The following QRICH1 variants were observed in gnomAD, a reference collection of about 807,000 sequenced individuals.
QRICH1 encodes the protein glutamine rich 1, also known as transcriptional regulator QRICH1.
QRICH1 carries 16 observed loss-of-function variants against 87.1 expected under a neutral mutation model. The ratio of observed to expected loss-of-function variants is 0.18; its 90% CI spans 0.12 to 0.28. The LOEUF is 0.28. Among genes scored for constraint, QRICH1 ranks in the 10% least tolerant of loss-of-function variants. The pLI is 1.00. For missense variants in QRICH1, 647 were observed against 951.7 expected, an observed-to-expected ratio of 0.68 and a Z score of 4.21; for synonymous variants, 367 against 368.4, an observed-to-expected ratio of 1.00 and a Z score of 0.05.
chr3:49,065,365 G>C (rs570756101), intron 2 of QRICH1, among the ~76,000 whole-genome samples: 1 of 152,126 alleles, frequency 6.6e-6, no homozygotes, highest in Non-Finnish European at 1.5e-5. Flanking sequence ...GGCTGTTCTC[G>C]AACGCCTGAC....
chr3:49,042,652 A>C (rs1347219359), intron 6 of QRICH1, among the ~76,000 whole-genome samples: 1 of 151,532 alleles, frequency 6.6e-6, no homozygotes, highest in Non-Finnish European at 1.5e-5. Context: ...GGCTCACCAC[A>C]ACCTCCGACT....
Position 49,076,695 on chromosome 3 carries a change from C to A in QRICH1, c.309+14G>T. ...GTACATTAAACAGGCTGCACCTCAG[C>A]ATTTCCCATATACCTGAACCTGCTG... On this transcript the variant is annotated intron_variant, in intron 2 of 9. Coordinates refer to ENST00000395443, the MANE Select transcript of QRICH1 (RefSeq NM_198880.3). The A allele has an allele frequency of 6.6e-7, 1 of 1,525,128 alleles. No individual in the cohort carries two copies. The highest frequency in any genetic ancestry group is 1.3e-5 in the South Asian group (1 of 76,538). 94.5% of individuals were successfully genotyped at this position (1,525,128 alleles called of 1,614,324 possible).
chr3:49,051,628 T>A (rs1340638614), intron 3 of QRICH1, among the ~76,000 whole-genome samples: 1 of 115,414 alleles, frequency 8.7e-6, no homozygotes, highest in Non-Finnish European at 1.6e-5. Flanking sequence ...GTACTATACA[T>A]CTCCAACTGA....
At chr3:49,053,801 A>G (rs1208996511) in intron 3 of QRICH1, among the ~76,000 whole-genome samples, 1 of 152,212 alleles carries the variant, frequency 6.6e-6, no homozygotes, top group African/African-American at 2.4e-5. Flanking sequence ...CTTTCATAAA[A>G]GGTATGGCCC....
intron 1 of QRICH1, among the ~76,000 whole-genome samples, chr3:49,081,560 G>T (rs561857463): frequency 6.6e-6 from 1 of 152,170 alleles, no homozygotes; most frequent in Non-Finnish European, 1.5e-5. Context: ...GAGTGCAGTG[G>T]TAAGATCTTG....
intron 6 of QRICH1, 194 bp from the exon 7 acceptor site, chr3:49,033,422 G>T: frequency 2.6e-6 from 1 of 389,518 alleles, no homozygotes. Flanking sequence ...TTTCTGAGGT[G>T]GAACCTGATG....
chr3:49,094,123 C>T (rs2042336161), upstream of QRICH1: 5 of 398,204 alleles, frequency 1.3e-5, no homozygotes, highest in Non-Finnish European at 2.2e-5. Context: ...CCCGCGAGAT[C>T]TGGGACTGCC....
chr3:49,063,730 A>G (rs908751866), intron 2 of QRICH1, among the ~76,000 whole-genome samples: 8 of 152,238 alleles, frequency 5.3e-5, no homozygotes, highest in African/African-American at 1.9e-4. Context: ...TTGAGGCTGC[A>G]GTGAACTATG....
intron 3 of QRICH1, among the ~76,000 whole-genome samples, chr3:49,055,173 ATAC>A (rs1285015697): frequency 6.6e-6 from 1 of 152,206 alleles, no homozygotes; most frequent in Admixed American, 6.5e-5. Context: ...GGATAATATG[ATAC>A]TGCCTCTATG....
At chr3:49,091,958 GTTAC>G (rs1326103418) in intron 1 of QRICH1, among the ~76,000 whole-genome samples, 1 of 151,786 alleles carries the variant, frequency 6.6e-6, no homozygotes, top group African/African-American at 2.4e-5. Flanking sequence ...TGTAATCCCA[GTTAC>G]TTGGGAAACT....
At chr3:49,045,641 C>T (rs2093334799) in intron 5 of QRICH1, among the ~76,000 whole-genome samples, 2 of 151,972 alleles carry the variant, frequency 1.3e-5, no homozygotes, top group East Asian at 1.9e-4. Context: ...ACTCTGTCAC[C>T]CAGGCTGGAG....
At chr3:49,056,269 C>T (rs528368490) in intron 3 of QRICH1, among the ~76,000 whole-genome samples, 10 of 152,300 alleles carry the variant, frequency 6.6e-5, no homozygotes, top group East Asian at 3.9e-4. Flanking sequence ...CCACCTCGCC[C>T]GGCCGCCCCC....
intron 6 of QRICH1, among the ~76,000 whole-genome samples, chr3:49,042,577 T>C (rs2093316878): frequency 6.6e-6 from 1 of 151,540 alleles, no homozygotes; most frequent in African/African-American, 2.4e-5. Flanking sequence ...GGTGAAAAGG[T>C]TTGTTTTTTT....
intron 6 of QRICH1, among the ~76,000 whole-genome samples, chr3:49,036,843 G>A (rs549946161): frequency 6.6e-6 from 1 of 152,102 alleles, no homozygotes; most frequent in Middle Eastern, 3.4e-3. Context: ...TGTGCGGAAT[G>A]CCTAAGCTCA....
intron 4 of QRICH1, 35 bp from the exon 5 acceptor site, chr3:49,046,614 T>TG: frequency 6.2e-7 from 1 of 1,605,970 alleles, no homozygotes; most frequent in Non-Finnish European, 8.5e-7. Context: ...ATGAAGGTCC[T>TG]GGGGGTCCAT....
intron 1 of QRICH1, among the ~76,000 whole-genome samples, chr3:49,079,965 G>A (rs2042026267): frequency 6.6e-6 from 1 of 150,524 alleles, no homozygotes; most frequent in African/African-American, 2.4e-5. Context: ...GGAGGCAGAG[G>A]TTGCGGTGAG....
intron 2 of QRICH1, among the ~76,000 whole-genome samples, chr3:49,070,484 G>C (rs141165245): frequency 6.6e-6 from 1 of 152,116 alleles, no homozygotes; most frequent in Non-Finnish European, 1.5e-5. Context: ...CTTTTGCCCA[G>C]GATGGAGTGC....
upstream of QRICH1, chr3:49,094,121 A>C (rs2042336082): frequency 2.5e-6 from 1 of 398,298 alleles, no homozygotes. Flanking sequence ...ATCCCGCGAG[A>C]TCTGGGACTG....
intron 1 of QRICH1, among the ~76,000 whole-genome samples, chr3:49,079,782 A>G (rs1219836233): frequency 6.6e-6 from 1 of 152,188 alleles, no homozygotes; most frequent in East Asian, 1.9e-4. Context: ...TAATCCCAGC[A>G]CTTTGGGAGG....
Sources: gnomAD v4.1 joint callset for allele counts (sites outside exome capture counted in the v4.1 genomes callset) on GRCh38, gnomAD v4.1.1 for gene constraint, MANE v1.5 for transcripts, NCBI Gene and HGNC (gene_info 2026-07-23, HGNC 2026-07-21) for gene names.